Variants in ZRANB1 observed in about 807,000 individuals in gnomAD.
ZRANB1 encodes ubiquitin thioesterase ZRANB1.
In ZRANB1, 16 loss-of-function variants were observed where a neutral mutation model predicts 80.5. That is an observed-to-expected ratio of 0.20 (90% confidence interval 0.13 to 0.30). The LOEUF (loss-of-function observed/expected upper bound fraction) is 0.30. Among genes scored for constraint, ZRANB1 ranks in the 10% least tolerant of loss-of-function variants. The pLI is 1.00. For missense variants in ZRANB1, 576 were observed against 862.6 expected (o/e 0.67, Z 4.16); for synonymous variants, 291 against 293.1 (o/e 0.99, Z 0.07).
chr10:124,922,277 GTAAAATATA>G, the ZRANB1 span, among the ~76,000 whole-genome samples: 77 of 83,272 alleles, frequency 9.2e-4, 1 homozygote, highest in African/African-American at 3.4e-3. Context: ...ATATATATAT[GTAAAATATA>G]TATATATATG....
chr10:124,964,655 T>C (rs1435879950), intron 1 of ZRANB1, among the ~76,000 whole-genome samples: 1 of 152,216 alleles, frequency 6.6e-6, no homozygotes, highest in Non-Finnish European at 1.5e-5. Context: ...TTGATCAGAC[T>C]CTTGGGTTGT....
chr10:124,974,666 A>T (rs1277421505), intron 5 of ZRANB1, among the ~76,000 whole-genome samples: 2 of 152,238 alleles, frequency 1.3e-5, no homozygotes, highest in African/African-American at 4.8e-5. Flanking sequence ...TTAAAATGCA[A>T]GCATTTATTG....
chr10:124,962,303 C>A, intron 1 of ZRANB1: 2 of 816,516 alleles, frequency 2.4e-6, no homozygotes, highest in African/African-American at 1.9e-5. Flanking sequence ...TGAAATTGTG[C>A]CAGCCGACTC....
At chr10:124,957,957 T>C (rs1304420654) in intron 1 of ZRANB1, among the ~76,000 whole-genome samples, 1 of 152,194 alleles carries the variant, frequency 6.6e-6, no homozygotes, top group East Asian at 1.9e-4. Context: ...CTCGAACTCC[T>C]GGCCTCAAGT....
chr10:124,961,045 A>G (rs945167454), intron 1 of ZRANB1, among the ~76,000 whole-genome samples: 2 of 151,470 alleles, frequency 1.3e-5, no homozygotes, highest in African/African-American at 4.9e-5. Context: ...TTTGTTGTCC[A>G]GGCTGGAGTG....
intron 1 of ZRANB1, among the ~76,000 whole-genome samples, chr10:124,953,392 T>C (rs1951659024): frequency 6.6e-6 from 1 of 152,184 alleles, no homozygotes; most frequent in Non-Finnish European, 1.5e-5. Context: ...GTAACGGGTT[T>C]CTTTCTGCTG....
Position 124,946,819 on chromosome 10 carries a change from A to C in ZRANB1, c.814+3512A>C, listed in dbSNP as rs558203547. ...AGCAGTAAGACTAACAGAAGTTCACATGTACTCAAAATTAATCTTTACGTC... is the reference window on the plus strand; with the variant it reads ...AGCAGTAAGACTAACAGAAGTTCACCTGTACTCAAAATTAATCTTTACGTC... On this transcript the variant is annotated intron_variant, in intron 1 of 8. Coordinates refer to ENST00000359653, the MANE Select transcript of ZRANB1 (RefSeq NM_017580.3). Among the ~76,000 whole-genome samples the C allele has an allele frequency of 3.9e-5, 6 of 152,328 alleles. No homozygotes were observed. The South Asian group carries it at 1.2e-3, about 32-fold the overall frequency.
At chr10:124,974,859 G>A (rs963377872) in intron 5 of ZRANB1, among the ~76,000 whole-genome samples, 1 of 152,182 alleles carries the variant, frequency 6.6e-6, no homozygotes, top group African/African-American at 2.4e-5. Flanking sequence ...GTGCAGTGGT[G>A]CAGTCTTGGC....
Position 124,961,392 on chromosome 10 carries a change from T to C in ZRANB1, c.815-5202T>C, listed in dbSNP as rs114226500. Among the ~76,000 whole-genome samples the C allele has an allele frequency of 5.4e-3, 825 of 152,346 alleles. 6 individuals carry two copies. Among genetic ancestry groups the C allele is most frequent in the African/African-American group, 0.019 (787 of 41,582 alleles). Reference sequence around the variant, plus strand: ...AAGTGACTCATGATGTGAACTCATGTTCATCTGTTTCAGCCCTGTTAACAT... The same window carrying C: ...AAGTGACTCATGATGTGAACTCATGCTCATCTGTTTCAGCCCTGTTAACAT... On this transcript the variant is annotated intron_variant, in intron 1 of 8. Coordinates refer to ENST00000359653, the MANE Select transcript of ZRANB1 (RefSeq NM_017580.3).
At chr10:124,919,613 CT>C in the ZRANB1 span, among the ~76,000 whole-genome samples, 161 of 131,568 alleles carry the variant, frequency 1.2e-3, 1 homozygote, top group African/African-American at 1.4e-3. Context: ...CCTCCTCCTC[CT>C]TTTTTTTTTT....
At chr10:124,917,616 G>T in the ZRANB1 span, among the ~76,000 whole-genome samples, 2 of 152,210 alleles carry the variant, frequency 1.3e-5, no homozygotes, top group African/African-American at 4.8e-5. Flanking sequence ...CGGCGAGTGG[G>T]GTTTCGCTCC....
intron 1 of ZRANB1, among the ~76,000 whole-genome samples, chr10:124,948,306 T>C (rs1564956820): frequency 6.6e-6 from 1 of 152,232 alleles, no homozygotes; most frequent in Non-Finnish European, 1.5e-5. Flanking sequence ...TATACAAATA[T>C]GTGTTCGACT....
At chr10:124,942,082 C>A, upstream of ZRANB1, 1 of 953,960 alleles carries the variant, frequency 1.0e-6, no homozygotes, top group Non-Finnish European at 1.3e-6. Context: ...GTTTCCTCTA[C>A]CTTTGTCTCT....
chr10:124,957,694 G>T (rs546833889), intron 1 of ZRANB1, among the ~76,000 whole-genome samples: 1 of 150,948 alleles, frequency 6.6e-6, no homozygotes, highest in South Asian at 2.1e-4. Flanking sequence ...TGTCTTTAAG[G>T]TTCATCTGTG....
At chr10:124,947,798 T>G (rs569227001) in intron 1 of ZRANB1, among the ~76,000 whole-genome samples, 77 of 152,292 alleles carry the variant, frequency 5.1e-4, no homozygotes, top group Admixed American at 9.1e-4. Context: ...GGCTCTACCT[T>G]CAAAATATAT....
chr10:124,985,052 T>C lies in ZRANB1; in HGVS notation c.*60T>C. The C allele has an allele frequency of 3.7e-6, 5 of 1,337,858 alleles. No individual in the cohort carries two copies. Among genetic ancestry groups the C allele is most frequent in the Non-Finnish European group, 5.2e-6 (5 of 959,182 alleles). The allele number at this position is 1,337,858 out of a possible 1,614,324, so 82.9% of individuals were successfully genotyped here. On this transcript the variant is annotated 3_prime_UTR_variant, in exon 9 of 9. Transcript: ENST00000359653. Reference sequence around the variant, plus strand: ...AGATCTGTAATGACCCTAAAGTTAGTGTGGTGCTCCAAGCAGAGTCGACAT... The same window carrying C: ...AGATCTGTAATGACCCTAAAGTTAGCGTGGTGCTCCAAGCAGAGTCGACAT...
intron 2 of ZRANB1, among the ~76,000 whole-genome samples, chr10:124,969,295 GGA>G (rs1393138544): frequency 1.3e-5 from 2 of 152,142 alleles, no homozygotes; most frequent in East Asian, 3.8e-4. Flanking sequence ...GAACAGCGTG[GGA>G]GAGGTGGAGG....
rs1952021747 is a variant in ZRANB1, at chr10:124,985,882, G to C, written c.*890G>C. Reference sequence around the variant, plus strand: ...CTGCTCCCAGATTGCCATGCCAGAGGGTCTTCGGATTCTTCCTTCTATCAC... The same window carrying C: ...CTGCTCCCAGATTGCCATGCCAGAGCGTCTTCGGATTCTTCCTTCTATCAC... On this transcript the variant is annotated 3_prime_UTR_variant, in exon 9 of 9. Coordinates refer to ENST00000359653, the MANE Select transcript of ZRANB1 (RefSeq NM_017580.3). The C allele has an allele frequency of 6.7e-6, 1 of 149,180 alleles. No homozygotes were observed. Among genetic ancestry groups the C allele is most frequent in the Non-Finnish European group, 1.5e-5 (1 of 66,178 alleles). The allele number at this position is 149,180 out of a possible 1,614,324, so 9.2% of individuals were successfully genotyped here.
At chr10:124,949,524 T>C (rs56177378) in intron 1 of ZRANB1, among the ~76,000 whole-genome samples, 2,826 of 44,784 alleles carry the variant, frequency 0.063, 91 homozygotes, top group African/African-American at 0.1. Context: ...CACACACACA[T>C]TTTTTTTTTT....
Sources: gnomAD v4.1 joint callset for allele counts (sites outside exome capture counted in the v4.1 genomes callset) on GRCh38, gnomAD v4.1.1 for gene constraint, MANE v1.5 for transcripts, NCBI Gene and HGNC (gene_info 2026-07-23, HGNC 2026-07-21) for gene names.